Variants in ESF1 observed in about 807,000 individuals in gnomAD.
ESF1 encodes ESF1 homolog.
Under a neutral mutation model 92.0 loss-of-function variants are expected in ESF1, and 58 were observed. That is an observed-to-expected ratio of 0.63 (90% confidence interval 0.51 to 0.78). The LOEUF (loss-of-function observed/expected upper bound fraction) is 0.78, where lower values mean the gene tolerates loss of function less well. ESF1 is among the 30% of genes least tolerant of loss of function. The pLI is 0.00. For synonymous variants in ESF1, 321 were observed against 313.7 expected, an observed-to-expected ratio of 1.02 and a Z score of -0.24; for missense variants, 922 against 989.1, an observed-to-expected ratio of 0.93 and a Z score of 0.91.
intron 2 of ESF1, among the ~76,000 whole-genome samples, chr20:13,778,341 G>A (rs2147449116): frequency 6.6e-6 from 1 of 151,760 alleles, no homozygotes; most frequent in South Asian, 2.1e-4. Flanking sequence ...TTACTATGAG[G>A]TAAGCAGAAT....
rs747165500 is a variant in ESF1 at position 13,775,169 on chromosome 20, T to A, written c.1137A>T (p.Ile379=). ...FNSFKPKGGV[I]FSVKIYPSEF... ...AATCAATTCTCACCTTGACGGAAAA[T>A]ATTACACCTCCTTTGGGTTTAAATG... The change falls in exon 4 of 14, where the codon ATA becomes ATT. Residue 379 remains isoleucine (I), a synonymous_variant. Transcript: ENST00000617257. The A allele has an allele frequency of 6.3e-7, 1 of 1,596,050 alleles. No individual in the cohort carries two copies. The highest frequency in any genetic ancestry group is 1.1e-5 in the South Asian group (1 of 87,492).
At chr20:13,754,724 T>A (rs977289809) in intron 9 of ESF1, among the ~76,000 whole-genome samples, 2 of 152,182 alleles carry the variant, frequency 1.3e-5, no homozygotes, top group African/African-American at 2.4e-5. Context: ...GCAAGAATGA[T>A]CCTGTTAAAT....
chr20:13,777,675 T>G (rs934624113), intron 2 of ESF1, among the ~76,000 whole-genome samples: 1 of 152,200 alleles, frequency 6.6e-6, no homozygotes, highest in Non-Finnish European at 1.5e-5. Context: ...TGTTTTTGCT[T>G]AAGATGGAAA....
At chr20:13,764,836 T>A (rs910020741) in intron 8 of ESF1, among the ~76,000 whole-genome samples, 4 of 151,704 alleles carry the variant, frequency 2.6e-5, no homozygotes, top group Non-Finnish European at 4.4e-5. Flanking sequence ...AACCCATGTA[T>A]AAGTGACCTC....
chr20:13,776,380 C>A lies in ESF1; in HGVS notation c.638-110G>T, dbSNP rs1979944099. The A allele has an allele frequency of 7.8e-6, 8 of 1,022,384 alleles. No individual in the cohort carries two copies. In the East Asian group the frequency reaches 2.1e-4, roughly 26 times the overall value. The allele number at this position is 1,022,384 out of a possible 1,614,324, so 63.3% of individuals were successfully genotyped here. ...GTAAAAATATAATTTCTATGAAACACAGTAAAGACAAATATATATTCAGTA... is the reference window on the plus strand; with the variant it reads ...GTAAAAATATAATTTCTATGAAACAAAGTAAAGACAAATATATATTCAGTA... On this transcript the variant is annotated intron_variant, in intron 2 of 13. Coordinates refer to ENST00000617257, the MANE Select transcript of ESF1 (RefSeq NM_001276380.2).
rs534314104 is a variant in ESF1 at position 13,749,362 on chromosome 20, C to T, written c.1828+10330G>A. ...GGGCCACCGCACCTGGCCCAGACTT[C>T]CAATTATTAGGAAAGCATATACCTT... On this transcript the variant is annotated intron_variant, in intron 9 of 13. Coordinates refer to ENST00000617257, the MANE Select transcript of ESF1 (RefSeq NM_001276380.2). Among the ~76,000 whole-genome samples the T allele has an allele frequency of 2.7e-5, 4 of 149,470 alleles. No homozygotes were observed. The Admixed American group carries it at 2.7e-4, about 10-fold the overall frequency.
In ESF1 at chr20:13,737,899, G is replaced by A. The variant is rs577977320; in HGVS notation, c.1829-4057C>T. Among the ~76,000 whole-genome samples the A allele has an allele frequency of 3.9e-5, 6 of 152,144 alleles. No homozygotes were observed. In the East Asian group the frequency reaches 5.8e-4, roughly 15 times the overall value. ...TTGAACTCCTGACCTCAGGTGATCC[G>A]CCCACCTCGGCTTCCCAAAGTGCTA... On this transcript the variant is annotated intron_variant, in intron 9 of 13. Coordinates refer to ENST00000617257, the MANE Select transcript of ESF1 (RefSeq NM_001276380.2).
At chr20:13,751,607 A>G (rs1600281416) in intron 9 of ESF1, among the ~76,000 whole-genome samples, 1 of 152,220 alleles carries the variant, frequency 6.6e-6, no homozygotes, top group African/African-American at 2.4e-5. Context: ...CTGAAACTTC[A>G]TAAGGCATTG....
chr20:13,742,335 T>TGGTA (rs2050018791), intron 9 of ESF1, among the ~76,000 whole-genome samples: 1 of 152,078 alleles, frequency 6.6e-6, no homozygotes, highest in African/African-American at 2.4e-5. Context: ...TAGCTGGGTG[T>TGGTA]GGTAGTGAGT....
At chr20:13,783,793 A>G (rs888073385) in intron 1 of ESF1, among the ~76,000 whole-genome samples, 4 of 152,200 alleles carry the variant, frequency 2.6e-5, no homozygotes, top group African/African-American at 7.2e-5. Context: ...CAGCTGGGGC[A>G]ACAGAGTGAG....
intron 9 of ESF1, among the ~76,000 whole-genome samples, chr20:13,743,918 T>A (rs903269720): frequency 6.6e-6 from 1 of 152,226 alleles, no homozygotes; most frequent in Non-Finnish European, 1.5e-5. Context: ...TAAATATTTT[T>A]AAAAAACTAT....
intron 13 of ESF1, among the ~76,000 whole-genome samples, chr20:13,716,224 GC>G (rs964310843): frequency 1.3e-5 from 2 of 152,158 alleles, no homozygotes; most frequent in Non-Finnish European, 2.9e-5. Context: ...GTTTCTAACA[GC>G]TGTTTGTAGA....
chr20:13,756,048 G>T lies in ESF1; in HGVS notation c.1828+3644C>A, dbSNP rs148418630. Among the ~76,000 whole-genome samples the T allele has an allele frequency of 2.8e-3, 429 of 152,242 alleles. 2 individuals are homozygous for T. The highest frequency in any genetic ancestry group is 4.3e-3 in the Non-Finnish European group (294 of 68,008). Reference sequence around the variant, plus strand: ...AGCATAACATCAAAAAAGTCCTGAGGTTCAGGGTAACTGTTACAGAAAACA... The same window carrying T: ...AGCATAACATCAAAAAAGTCCTGAGTTTCAGGGTAACTGTTACAGAAAACA... On this transcript the variant is annotated intron_variant, in intron 9 of 13. Coordinates refer to ENST00000617257, the MANE Select transcript of ESF1 (RefSeq NM_001276380.2).
Position 13,782,810 on chromosome 20 carries a change from C to A in ESF1, c.331G>T (p.Val111Phe). Residue 111 changes from valine to phenylalanine, a missense_variant, in exon 2 of 14, where the codon GTT (valine) becomes TTT (phenylalanine). Coordinates refer to ENST00000617257, the MANE Select transcript of ESF1 (RefSeq NM_001276380.2). ...TKKEIDSKNL[V>F]EKKKETKKAN... ...TTCTTGGTTTCTTTCTTTTTCTCAACTAGATTTTTTGAATCGATTTCTTTT... is the reference window on the plus strand; with the variant it reads ...TTCTTGGTTTCTTTCTTTTTCTCAAATAGATTTTTTGAATCGATTTCTTTT... 1 of 1,604,460 alleles carries A rather than the reference C, an allele frequency of 6.2e-7. No homozygotes were observed. The highest frequency in any genetic ancestry group is 8.5e-7 in the Non-Finnish European group (1 of 1,177,984).
chr20:13,759,760 T>A lies in ESF1; in HGVS notation c.1760A>T (p.Gln587Leu), dbSNP rs748118931. The A allele has an allele frequency of 6.4e-7, 1 of 1,573,310 alleles. No homozygotes were observed. The highest frequency in any genetic ancestry group is 8.6e-7 in the Non-Finnish European group (1 of 1,168,804). ...EQIAKYRQLL[Q>L]VIQEKEKKGK... ...TTTCTTTTCTTTTTCTTGAATAACC[T>A]GCAAGAGCTGCCTGTATTTAGCAAT... The change falls in exon 9 of 14, where the codon CAG becomes CTG. Residue 587 changes from glutamine to leucine, a missense_variant. Transcript: ENST00000617257.
At position 13,761,021 on chromosome 20, in the gene ESF1, T is replaced by C. The variant is rs1367776715; in HGVS notation, c.1667-1168A>G. Among the ~76,000 whole-genome samples the C allele has an allele frequency of 3.9e-5, 6 of 152,234 alleles. 1 individual carries two copies. The East Asian group carries it at 1.2e-3, about 29-fold the overall frequency. On this transcript the variant is annotated intron_variant, in intron 8 of 13. Coordinates refer to ENST00000617257, the MANE Select transcript of ESF1 (RefSeq NM_001276380.2). ...AGAAGTAGACATGGGAGACTTTTCA[T>C]TTTGTTCTGTACTAAGAAAAATTCT...
chr20:13,784,283 A>ACC (rs145227808), intron 1 of ESF1, among the ~76,000 whole-genome samples: 1,813 of 64,904 alleles, frequency 0.028, 13 homozygotes, highest in African/African-American at 0.044. Context: ...ATTATTAAGC[A>ACC]ACCCCCCCCC....
At chr20:13,729,307 C>A (rs1404694151) in intron 10 of ESF1, among the ~76,000 whole-genome samples, 1 of 152,168 alleles carries the variant, frequency 6.6e-6, no homozygotes, top group Non-Finnish European at 1.5e-5. Flanking sequence ...ATGCAGGAAA[C>A]CATGTAGGCC....
At chr20:13,740,019 G>A (rs2050001028) in intron 9 of ESF1, among the ~76,000 whole-genome samples, 3 of 152,086 alleles carry the variant, frequency 2.0e-5, no homozygotes, top group Admixed American at 2.0e-4. Context: ...CAGAAAGAGG[G>A]AAGTAAAAAT....
Sources: gnomAD v4.1 joint callset for allele counts (sites outside exome capture counted in the v4.1 genomes callset) on GRCh38, gnomAD v4.1.1 for gene constraint, MANE v1.5 for transcripts, NCBI Gene and HGNC (gene_info 2026-07-23, HGNC 2026-07-21) for gene names.